SYNPR: variants seen among roughly 807,000 people sequenced by gnomAD.
SYNPR encodes synaptoporin.
Under a neutral mutation model 32.9 loss-of-function variants are expected in SYNPR, and 23 were observed. That is an observed-to-expected ratio of 0.70 (90% CI 0.50 to 0.99). The LOEUF is 0.99. Among genes scored for constraint, SYNPR ranks in the 50% least tolerant of loss-of-function variants. SYNPR has a pLI of 0.00. For missense variants in SYNPR, 318 were observed against 349.3 expected (o/e 0.91, Z 0.71); for synonymous variants, 146 against 135.9 (o/e 1.07, Z -0.52).
At chr3:63,363,884 AT>A (rs2087695472) in intron 2 of SYNPR, among the ~76,000 whole-genome samples, 4 of 152,156 alleles carry the variant, frequency 2.6e-5, no homozygotes, top group Admixed American at 2.6e-4. Flanking sequence ...TCCCAAAAGG[AT>A]TCATTGCTTG....
At chr3:63,368,383 G>A (rs552664875) in intron 2 of SYNPR, among the ~76,000 whole-genome samples, 20 of 152,292 alleles carry the variant, frequency 1.3e-4, no homozygotes, top group Non-Finnish European at 2.2e-4. Context: ...AATGAAAGAG[G>A]AATGTGATGT....
intron 3 of SYNPR, among the ~76,000 whole-genome samples, chr3:63,543,000 G>A (rs1505596): frequency 0.017 from 2,581 of 152,082 alleles, 26 homozygotes; most frequent in Middle Eastern, 0.044. Context: ...ACCACAAAGA[G>A]CTTTTTATTT....
chr3:63,342,259 G>A (rs2087380067), intron 2 of SYNPR, among the ~76,000 whole-genome samples: 1 of 152,082 alleles, frequency 6.6e-6, no homozygotes, highest in African/African-American at 2.4e-5. Context: ...CTTGATTCTT[G>A]TAGATATTGT....
chr3:63,260,389 C>T (rs1451714773), intron 2 of SYNPR, among the ~76,000 whole-genome samples: 1 of 152,160 alleles, frequency 6.6e-6, no homozygotes, highest in Non-Finnish European at 1.5e-5. Context: ...ACCAATGGAA[C>T]AGAACAGAGC....
At chr3:63,247,972 A>T (rs1419376327) in intron 1 of SYNPR, among the ~76,000 whole-genome samples, 3 of 152,098 alleles carry the variant, frequency 2.0e-5, no homozygotes, top group Non-Finnish European at 4.4e-5. Flanking sequence ...GAATTATTTA[A>T]CACAAGCTGC....
rs545734414 is a variant in SYNPR, at chr3:63,545,843, C to A, written c.210-10700C>A. 1.1e-4 allele frequency among the ~76,000 whole-genome samples: 16 copies of A among 152,182 alleles called. No homozygotes were observed. In the East Asian group the frequency reaches 3.1e-3, roughly 29 times the overall value. On this transcript the variant is annotated intron_variant, in intron 3 of 5. Transcript: ENST00000478300. ...GATTAAAATCAATTTGACCTAAATTCTAAACAAAAGGTCAGATTTCTGCCA... is the reference window on the plus strand; with the variant it reads ...GATTAAAATCAATTTGACCTAAATTATAAACAAAAGGTCAGATTTCTGCCA...
chr3:63,291,684 T>C (rs1353805149), intron 2 of SYNPR, among the ~76,000 whole-genome samples: 1 of 152,148 alleles, frequency 6.6e-6, no homozygotes, highest in East Asian at 1.9e-4. Flanking sequence ...AATTTATTTT[T>C]AAAGACAAGT....
intron 2 of SYNPR, among the ~76,000 whole-genome samples, chr3:63,262,650 G>A (rs959820840): frequency 6.6e-6 from 1 of 152,160 alleles, no homozygotes; most frequent in African/African-American, 2.4e-5. Flanking sequence ...GAGTGATGGG[G>A]ACCGTGCCAA....
chr3:63,416,871 C>A (rs974057515), intron 2 of SYNPR, among the ~76,000 whole-genome samples: 1 of 152,150 alleles, frequency 6.6e-6, no homozygotes, highest in African/African-American at 2.4e-5. Flanking sequence ...TTACCTCCCA[C>A]CAGGTGCCTC....
intron 2 of SYNPR, among the ~76,000 whole-genome samples, chr3:63,435,574 G>A (rs917162688): frequency 6.6e-6 from 1 of 152,220 alleles, no homozygotes; most frequent in African/African-American, 2.4e-5. Context: ...TGGAACCCTG[G>A]TTCCTTTGAC....
the SYNPR span, among the ~76,000 whole-genome samples, chr3:63,219,745 T>A: frequency 2.3e-3 from 350 of 152,312 alleles, 2 homozygotes; most frequent in African/African-American, 8.1e-3. Context: ...TGAAAGTAGA[T>A]CATAATGAAG....
intron 2 of SYNPR, among the ~76,000 whole-genome samples, chr3:63,468,982 C>T (rs1700742875): frequency 6.6e-6 from 1 of 151,766 alleles, no homozygotes; most frequent in African/African-American, 2.4e-5. Flanking sequence ...TTGAATACAG[C>T]CAATTGATTA....
intron 2 of SYNPR, among the ~76,000 whole-genome samples, chr3:63,406,979 T>C (rs1209578552): frequency 6.6e-6 from 1 of 152,172 alleles, no homozygotes; most frequent in African/African-American, 2.4e-5. Flanking sequence ...CTGTGAACTT[T>C]TTTGGACTTT....
At chr3:63,369,514 G>C (rs1452985227) in intron 2 of SYNPR, among the ~76,000 whole-genome samples, 1 of 152,138 alleles carries the variant, frequency 6.6e-6, no homozygotes, top group African/African-American at 2.4e-5. Context: ...TAAGCTATGT[G>C]ATATTTCTTT....
At chr3:63,290,833 A>G (rs1332825280) in intron 2 of SYNPR, among the ~76,000 whole-genome samples, 2 of 152,212 alleles carry the variant, frequency 1.3e-5, no homozygotes, top group Admixed American at 6.5e-5. Flanking sequence ...GTGCTTTAAC[A>G]GGAAGTTCTC....
At position 63,278,522 on chromosome 3, in the gene SYNPR, C is replaced by G. The variant is rs1414499914; in HGVS notation, c.-12C>G. ...AGAACTGGTGGATGAGAAGAGCGAG[C>G]GAGGGCGAGCTATGGACCCTGTGAG... On this transcript the variant is annotated 5_prime_UTR_variant, in exon 1 of 6. Coordinates refer to ENST00000478300, the MANE Select transcript of SYNPR (RefSeq NM_001130003.2). 1 of 1,547,564 alleles carries G rather than the reference C, an allele frequency of 6.5e-7. No individual in the cohort carries two copies. The highest frequency in any genetic ancestry group is 1.4e-5 in the African/African-American group (1 of 73,056).
chr3:63,306,681 C>T (rs1378148964), intron 2 of SYNPR, among the ~76,000 whole-genome samples: 1 of 152,018 alleles, frequency 6.6e-6, no homozygotes, highest in African/African-American at 2.4e-5. Context: ...AATCAAAGCT[C>T]TCTCTCCCTT....
intron 3 of SYNPR, among the ~76,000 whole-genome samples, chr3:63,553,903 T>G (rs570733322): frequency 4.6e-5 from 7 of 152,192 alleles, no homozygotes; most frequent in African/African-American, 1.7e-4. Context: ...ATATTTTTAG[T>G]AGAGATGGGG....
At chr3:63,492,427 C>G (rs1442768042) in intron 3 of SYNPR, among the ~76,000 whole-genome samples, 2 of 152,196 alleles carry the variant, frequency 1.3e-5, no homozygotes, top group African/African-American at 4.8e-5. Context: ...GGTAGTGCCC[C>G]AGCCACTGCT....
Sources: gnomAD v4.1 joint callset for allele counts (sites outside exome capture counted in the v4.1 genomes callset) on GRCh38, gnomAD v4.1.1 for gene constraint, MANE v1.5 for transcripts, NCBI Gene and HGNC (gene_info 2026-07-23, HGNC 2026-07-21) for gene names.